The following CNTN3 variants were observed in gnomAD, a reference collection of about 807,000 sequenced individuals.
CNTN3 encodes the protein contactin 3.
Under a neutral mutation model 119.1 loss-of-function variants are expected in CNTN3, and 60 were observed. The ratio of observed to expected loss-of-function variants is 0.50; its 90% CI spans 0.41 to 0.62. The LOEUF is 0.62. Among genes scored for constraint, CNTN3 ranks in the 20% least tolerant of loss-of-function variants. The pLI, the probability that CNTN3 is intolerant of heterozygous loss-of-function variation, is 0.00. For missense variants in CNTN3, 1,101 were observed against 1,242.4 expected (o/e 0.89, Z 1.71); for synonymous variants, 450 against 438.7 (o/e 1.03, Z -0.32).
At chr3:74,612,009 T>TTGTA (rs1269443829) in intron 1 of CNTN3, among the ~76,000 whole-genome samples, 1 of 152,236 alleles carries the variant, frequency 6.6e-6, no homozygotes, top group Non-Finnish European at 1.5e-5. Flanking sequence ...CTTCTCTGTT[T>TTGTA]TGTAGTATTG....
intron 20 of CNTN3, among the ~76,000 whole-genome samples, chr3:74,279,280 G>A (rs1261144767): frequency 1.3e-5 from 2 of 152,096 alleles, no homozygotes; most frequent in East Asian, 1.9e-4. Flanking sequence ...AGGAAAAAAA[G>A]TCATTATACG....
chr3:74,412,652 G>T (rs1377247011), intron 5 of CNTN3, among the ~76,000 whole-genome samples: 2 of 152,080 alleles, frequency 1.3e-5, no homozygotes, highest in Non-Finnish European at 2.9e-5. Context: ...TGTCCTGTAG[G>T]CTGAAGGCAC....
intron 11 of CNTN3, among the ~76,000 whole-genome samples, chr3:74,351,185 A>G (rs903078528): frequency 1.3e-5 from 2 of 152,230 alleles, no homozygotes. Flanking sequence ...ATTATAGCAG[A>G]TACTTTACAC....
rs548539357 is a variant in CNTN3 at position 74,405,168 on chromosome 3, GAAT to G, written c.454+19674_454+19676del. On this transcript the variant is annotated intron_variant, in intron 5 of 22. Transcript: ENST00000263665. ...TATCTATATTTTTATCTTAGTACCT[GAAT>G]AATATTTTTAAATTTAAATGTAAAG... 1.4e-3 allele frequency among the ~76,000 whole-genome samples: 216 copies of G among 151,978 alleles called. 1 individual carries two copies. The highest frequency in any genetic ancestry group is 4.9e-3 in the African/African-American group (203 of 41,490).
intron 4 of CNTN3, among the ~76,000 whole-genome samples, chr3:74,454,054 C>T (rs1206505136): frequency 2.9e-5 from 4 of 136,856 alleles, no homozygotes; most frequent in Admixed American, 7.6e-5. Flanking sequence ...GAGTTCAATT[C>T]CTGGGTATCC....
At chr3:74,266,433 T>G (rs979936757) in intron 22 of CNTN3, 48 bp downstream of exon 22, 1 of 1,544,360 alleles carries the variant, frequency 6.5e-7, no homozygotes, top group South Asian at 1.1e-5. Context: ...CTATGGCGGA[T>G]AGTAACACTG....
intron 5 of CNTN3, among the ~76,000 whole-genome samples, chr3:74,384,908 A>G (rs1704711137): frequency 6.6e-6 from 1 of 152,102 alleles, no homozygotes; most frequent in Admixed American, 6.6e-5. Flanking sequence ...ATTTATAAGT[A>G]TGTTTATTTC....
intron 13 of CNTN3, among the ~76,000 whole-genome samples, chr3:74,333,005 T>C (rs941680054): frequency 1.3e-5 from 2 of 152,150 alleles, no homozygotes; most frequent in South Asian, 2.1e-4. Flanking sequence ...CCTTTTCCTA[T>C]CATGACAGAA....
chr3:74,337,457 A>G (rs978102254), intron 11 of CNTN3, among the ~76,000 whole-genome samples: 5 of 152,156 alleles, frequency 3.3e-5, no homozygotes, highest in African/African-American at 1.2e-4. Context: ...AAGACTGGGT[A>G]ATTTATAAGA....
At chr3:74,448,948 T>C (rs1233423231) in intron 4 of CNTN3, among the ~76,000 whole-genome samples, 1 of 152,144 alleles carries the variant, frequency 6.6e-6, no homozygotes, top group African/African-American at 2.4e-5. Context: ...GAAAAATTTA[T>C]AAACCAACAT....
At chr3:74,369,035 CTA>C (rs1704270047) in intron 8 of CNTN3, among the ~76,000 whole-genome samples, 152 bp downstream of exon 8, 1 of 152,070 alleles carries the variant, frequency 6.6e-6, no homozygotes, top group African/African-American at 2.4e-5. Flanking sequence ...TTAATTCCCC[CTA>C]TGATCAATGT....
At chr3:74,274,860 A>C (rs1701849882) in intron 20 of CNTN3, among the ~76,000 whole-genome samples, 1 of 152,216 alleles carries the variant, frequency 6.6e-6, no homozygotes, top group South Asian at 2.1e-4. Flanking sequence ...CTAATCAAGG[A>C]GGCACCAGAG....
intron 1 of CNTN3, among the ~76,000 whole-genome samples, chr3:74,597,398 A>C (rs2106698214): frequency 6.6e-6 from 1 of 152,110 alleles, no homozygotes; most frequent in African/African-American, 2.4e-5. Context: ...TAATGAATAA[A>C]GAGTAACCCA....
intron 5 of CNTN3, among the ~76,000 whole-genome samples, chr3:74,414,965 T>C (rs1416094681): frequency 6.6e-6 from 1 of 151,722 alleles, no homozygotes; most frequent in African/African-American, 2.4e-5. Context: ...TTTACCATTC[T>C]TGACTTATAG....
At chr3:74,413,369 T>C (rs1006367671) in intron 5 of CNTN3, among the ~76,000 whole-genome samples, 5 of 152,170 alleles carry the variant, frequency 3.3e-5, no homozygotes, top group African/African-American at 4.8e-5. Flanking sequence ...GCAAATTTCA[T>C]ACGAATAGTG....
intron 1 of CNTN3, among the ~76,000 whole-genome samples, chr3:74,547,884 A>T (rs114099776): frequency 6.6e-6 from 1 of 152,190 alleles, no homozygotes; most frequent in African/African-American, 2.4e-5. Flanking sequence ...CCACAAAATT[A>T]AACATGTAGC....
chr3:74,264,277 C>A lies in CNTN3; in HGVS notation c.*124G>T. 2 of 437,870 alleles carry A rather than the reference C, an allele frequency of 4.6e-6. No homozygotes were observed. Among genetic ancestry groups the A allele is most frequent in the Non-Finnish European group, 4.1e-6 (1 of 242,770 alleles). 27.1% of individuals were successfully genotyped at this position (437,870 alleles called of 1,614,324 possible). A position where few individuals can be genotyped will look rare whatever the true frequency, so the allele number is the denominator to read the frequency against. On this transcript the variant is annotated 3_prime_UTR_variant, in exon 23 of 23. Transcript: ENST00000263665. Reference sequence around the variant, plus strand: ...GTTTTTTTAATTATATTCATATTTACCTATAATGAAGTAGAAAGTTAAAAA... The same window carrying A: ...GTTTTTTTAATTATATTCATATTTAACTATAATGAAGTAGAAAGTTAAAAA...
intron 3 of CNTN3, among the ~76,000 whole-genome samples, chr3:74,497,302 C>A (rs1703083131): frequency 6.6e-6 from 1 of 151,618 alleles, no homozygotes; most frequent in Non-Finnish European, 1.5e-5. Flanking sequence ...GAAATATTGC[C>A]TAGCTGAATA....
chr3:74,534,101 A>G (rs1703729658), intron 1 of CNTN3, among the ~76,000 whole-genome samples: 1 of 152,018 alleles, frequency 6.6e-6, no homozygotes, highest in Non-Finnish European at 1.5e-5. Context: ...TTTACCAAAG[A>G]AAGGACACAC....
Sources: gnomAD v4.1 joint callset for allele counts (sites outside exome capture counted in the v4.1 genomes callset) on GRCh38, gnomAD v4.1.1 for gene constraint, MANE v1.5 for transcripts, NCBI Gene and HGNC (gene_info 2026-07-23, HGNC 2026-07-21) for gene names.